KANSL1: variants seen among roughly 807,000 people sequenced by gnomAD.
The protein encoded by KANSL1 is KAT8 regulatory NSL complex subunit 1.
Under a neutral mutation model 103.6 loss-of-function variants are expected in KANSL1, and 22 were observed. The observed-to-expected ratio is 0.21, with a 90% CI of 0.15 to 0.30. The LOEUF (loss-of-function observed/expected upper bound fraction) is 0.30. Ranked by LOEUF, KANSL1 falls within the 10% of genes least tolerant of loss-of-function variation. The probability of loss-of-function intolerance (pLI) is 1.00; values close to 1 mark genes in which losing one functional copy is unlikely to be tolerated. For missense variants in KANSL1, 1,337 were observed against 1,399.8 expected (o/e 0.96, Z 0.72); for synonymous variants, 600 against 527.6 (o/e 1.14, Z -1.88).
chr17:46,167,826 T>C (rs189050956), intron 2 of KANSL1, among the ~76,000 whole-genome samples: 1 of 152,374 alleles, frequency 6.6e-6, no homozygotes, highest in East Asian at 1.9e-4. Flanking sequence ...CGACACAGAA[T>C]GGATCACTGT....
chr17:46,067,697 A>G, intron 4 of KANSL1, 30 bp from the exon 5 acceptor site: 1 of 1,205,308 alleles, frequency 8.3e-7, no homozygotes, highest in Non-Finnish European at 1.2e-6. Context: ...AAAGAAATTA[A>G]CATGTACCCA....
At chr17:46,060,003 G>A (rs1302272666) in intron 6 of KANSL1, among the ~76,000 whole-genome samples, 1 of 150,242 alleles carries the variant, frequency 6.7e-6, no homozygotes, top group East Asian at 1.9e-4. Flanking sequence ...AGTGAGACCT[G>A]CATCTCAATA....
At chr17:46,216,060 AAAAAT>A (rs1357135111) in intron 1 of KANSL1, among the ~76,000 whole-genome samples, 14 of 152,046 alleles carry the variant, frequency 9.2e-5, no homozygotes, top group Non-Finnish European at 2.1e-4. Flanking sequence ...ATAATAATAA[AAAAAT>A]AAAATAAAAT....
intron 1 of KANSL1, chr17:46,221,547 C>A (rs1180033491): frequency 1.4e-5 from 2 of 147,660 alleles, no homozygotes; most frequent in Admixed American, 1.4e-4. Flanking sequence ...TTCTAATTAA[C>A]GAGAGTGCCT....
chr17:46,094,198 G>A (rs2079525559), intron 3 of KANSL1: 1 of 226,518 alleles, frequency 4.4e-6, no homozygotes, highest in Non-Finnish European at 8.5e-6. Context: ...GTGGGCTCAA[G>A]CGATACTCCC....
intron 1 of KANSL1, among the ~76,000 whole-genome samples, chr17:46,205,810 G>T (rs1391004353): frequency 6.6e-6 from 1 of 152,042 alleles, no homozygotes; most frequent in Non-Finnish European, 1.5e-5. Context: ...AGGTGTGATG[G>T]CTCACACCTG....
chr17:46,032,142 A>G lies in KANSL1; in HGVS notation c.2995T>C (p.Ser999Pro). Residue 999 changes from serine (S) to proline (P), a missense_variant, in exon 14 of 15, where the codon TCA (serine) becomes CCA (proline). Coordinates refer to ENST00000432791, the MANE Select transcript of KANSL1 (RefSeq NM_015443.4). ...CGAGCCACAGGGGTGAGGGGTGCTGAGTGCAGTTCCGGGCTAATGGGGCTC... is the reference window on the plus strand; with the variant it reads ...CGAGCCACAGGGGTGAGGGGTGCTGGGTGCAGTTCCGGGCTAATGGGGCTC... ...PRSPISPELH[S>P]APLTPVARDT... 6.2e-7 allele frequency: 1 copy of G among 1,614,110 alleles called. No individual in the cohort carries two copies. The highest frequency in any genetic ancestry group is 8.5e-7 in the Non-Finnish European group (1 of 1,180,002).
intron 1 of KANSL1, among the ~76,000 whole-genome samples, chr17:46,210,940 A>T (rs1471776883): frequency 6.6e-6 from 1 of 152,172 alleles, no homozygotes; most frequent in Non-Finnish European, 1.5e-5. Flanking sequence ...TTGGGCCCAA[A>T]GTGGCAATTC....
chr17:46,084,035 A>G (rs1354382724), intron 3 of KANSL1, among the ~76,000 whole-genome samples: 1 of 152,220 alleles, frequency 6.6e-6, no homozygotes, highest in Non-Finnish European at 1.5e-5. Context: ...AAGCAAAAGA[A>G]GCACTGCCTC....
upstream of KANSL1, among the ~76,000 whole-genome samples, chr17:46,197,388 AT>A (rs2047647258): frequency 2.0e-5 from 3 of 152,216 alleles, no homozygotes; most frequent in African/African-American, 7.2e-5. Flanking sequence ...CATGCCTGTA[AT>A]CCCAGCACTC....
chr17:46,114,711 T>A (rs2042968680), intron 2 of KANSL1, among the ~76,000 whole-genome samples: 1 of 152,240 alleles, frequency 6.6e-6, no homozygotes, highest in Non-Finnish European at 1.5e-5. Flanking sequence ...TAAACTAGAT[T>A]TTTAAAAAAT....
rs777788237 is a variant in KANSL1 at position 46,094,559 on chromosome 17, C to T, written c.1431+1G>A. On this transcript the variant is annotated splice_donor_variant, in intron 3 of 14. Transcript: ENST00000432791. LOFTEE classifies it high-confidence loss of function. ...AAAAACATCAGATACTTATCCCTTA[C>T]CTTATTAGCACGTATCTGTTTGTAA... is the stretch of plus-strand genomic sequence containing the variant. The T allele has an allele frequency of 6.2e-7, 1 of 1,611,186 alleles. No individual in the cohort carries two copies. The highest frequency in any genetic ancestry group is 8.5e-7 in the Non-Finnish European group (1 of 1,179,506).
At chr17:46,213,802 G>A (rs184760810) in intron 1 of KANSL1, among the ~76,000 whole-genome samples, 4 of 151,922 alleles carry the variant, frequency 2.6e-5, no homozygotes, top group East Asian at 4.0e-4. Context: ...CCTGTAGTCC[G>A]AGATACTCAG....
chr17:46,086,982 G>A (rs2079188009), intron 3 of KANSL1, among the ~76,000 whole-genome samples: 1 of 151,762 alleles, frequency 6.6e-6, no homozygotes, highest in South Asian at 2.1e-4. Context: ...TGCCAAGGCT[G>A]GTTGCAAACT....
At chr17:46,109,528 AC>A (rs372986656) in intron 2 of KANSL1, among the ~76,000 whole-genome samples, 51 of 151,444 alleles carry the variant, frequency 3.4e-4, no homozygotes, top group African/African-American at 1.2e-3. Context: ...CAAAAACCAC[AC>A]CCCCACCAAA....
upstream of KANSL1, chr17:46,196,730 A>G (rs1473282871): frequency 3.8e-6 from 1 of 261,526 alleles, no homozygotes; most frequent in African/African-American, 2.3e-5. Context: ...ACAATGATTG[A>G]GTTCTAATGT....
At position 46,165,350 on chromosome 17, in the gene KANSL1, AGCCTCCC is replaced by A. The variant is rs541935015; in HGVS notation, c.1289+5498_1289+5504del. Among the ~76,000 whole-genome samples, 738 of 152,132 alleles carry A rather than the reference AGCCTCCC, an allele frequency of 4.9e-3. 2 individuals are homozygous for A. Among genetic ancestry groups the A allele is most frequent in the Non-Finnish European group, 7.1e-3 (481 of 68,004 alleles). Reference sequence around the variant, plus strand: ...TGGGTTCTGGCCATTCTCCTGCCTCAGCCTCCCGAGTAGCTGGGACTACAGGGGACCG... The same window carrying A: ...TGGGTTCTGGCCATTCTCCTGCCTCAGAGTAGCTGGGACTACAGGGGACCG... On this transcript the variant is annotated intron_variant, in intron 2 of 14. Coordinates refer to ENST00000432791, the MANE Select transcript of KANSL1 (RefSeq NM_015443.4).
At chr17:46,159,372 T>C (rs2147598589) in intron 2 of KANSL1, among the ~76,000 whole-genome samples, 1 of 152,384 alleles carries the variant, frequency 6.6e-6, no homozygotes, top group East Asian at 1.9e-4. Flanking sequence ...ACTCCCCTTT[T>C]AGTACTAATA....
intron 2 of KANSL1, among the ~76,000 whole-genome samples, chr17:46,135,169 A>G (rs1469177177): frequency 6.6e-6 from 1 of 151,834 alleles, no homozygotes; most frequent in Non-Finnish European, 1.5e-5. Context: ...GAAAAAAAAA[A>G]GCCTATCTTT....
Sources: allele counts gnomAD v4.1 joint callset (sites outside exome capture counted in the v4.1 genomes callset), GRCh38; gene constraint gnomAD v4.1.1; transcripts MANE v1.5; gene names NCBI Gene and HGNC (gene_info 2026-07-23, HGNC 2026-07-21).